Variants in TUBGCP5 observed in about 807,000 individuals in gnomAD.
TUBGCP5 encodes the protein gamma-tubulin complex component 5.
Under a neutral mutation model 134.7 loss-of-function variants are expected in TUBGCP5, and 98 were observed. The ratio of observed to expected loss-of-function variants is 0.73; its 90% CI spans 0.62 to 0.86. The LOEUF (loss-of-function observed/expected upper bound fraction) is 0.86. Among genes scored for constraint, TUBGCP5 ranks in the 40% least tolerant of loss-of-function variants. The pLI is 0.00. For missense variants in TUBGCP5, 1,150 were observed against 1,244.8 expected (o/e 0.92, Z 1.15); for synonymous variants, 456 against 431.4 (o/e 1.06, Z -0.71).
chr15:23,008,532 A>T, intron 16 of TUBGCP5, 167 bp downstream of exon 16: 1 of 847,668 alleles, frequency 1.2e-6, no homozygotes, highest in Non-Finnish European at 1.9e-6. Context: ...TGCTGGCATT[A>T]CAGGTGTGAG....
At position 22,999,561 on chromosome 15, in the gene TUBGCP5, T is replaced by C. The variant is rs2064250093; in HGVS notation, c.*259A>G. ...GACTACAGGTACACACCACCATGTC[T>C]GGATACATTTTGTATTTTTGGTAGA... is the stretch of plus-strand genomic sequence containing the variant. On this transcript the variant is annotated 3_prime_UTR_variant, in exon 23 of 23. Coordinates refer to ENST00000615383, the MANE Select transcript of TUBGCP5 (RefSeq NM_052903.6). 2.1e-6 allele frequency: 1 copy of C among 472,394 alleles called. No homozygotes were observed. The highest frequency in any genetic ancestry group is 3.9e-6 in the Non-Finnish European group (1 of 257,366). The allele number at this position is 472,394 out of a possible 1,614,324, so 29.3% of individuals were successfully genotyped here. A position where few individuals can be genotyped will look rare whatever the true frequency, so the allele number is the denominator to read the frequency against.
At chr15:23,004,248 A>G in intron 19 of TUBGCP5, 21 bp from the exon 20 acceptor site, 1 of 1,602,818 alleles carries the variant, frequency 6.2e-7, no homozygotes, top group Non-Finnish European at 8.5e-7. Context: ...AAAGATAAAA[A>G]GCTTCATCAG....
chr15:23,005,866 A>G, intron 18 of TUBGCP5, 186 bp downstream of exon 18: 1 of 681,578 alleles, frequency 1.5e-6, no homozygotes, highest in East Asian at 2.8e-5. Context: ...CAGGCATTTG[A>G]TGTCCATAAA....
intron 18 of TUBGCP5, 189 bp downstream of exon 18, chr15:23,005,863 T>A: frequency 1.5e-6 from 1 of 680,322 alleles, no homozygotes; most frequent in Non-Finnish European, 2.4e-6. Flanking sequence ...TTTCAGGCAT[T>A]TGATGTCCAT....
chr15:23,004,263 CTTCT>C, intron 19 of TUBGCP5, 36 bp from the exon 20 acceptor site: 3 of 1,600,556 alleles, frequency 1.9e-6, no homozygotes, highest in Non-Finnish European at 2.6e-6. Context: ...CATCAGCAGC[CTTCT>C]TTGAGGACTT....
chr15:23,003,079 G>A lies in TUBGCP5; in HGVS notation c.2913C>T (p.Gly971=). 6.2e-7 allele frequency: 1 copy of A among 1,614,092 alleles called. No individual in the cohort carries two copies. The highest frequency in any genetic ancestry group is 8.5e-7 in the Non-Finnish European group (1 of 1,179,990). Residue 971 remains glycine, a synonymous_variant, in exon 21 of 23, where the codon GGC becomes GGT. Transcript: ENST00000615383. ...CACATACTTACCGCCAAGTGCCCAG[G>A]CCTGCCTGCCAACCGTCTGCAAACA... The part of the protein sequence containing the change: ...ALMFADGWQA[G]LGTWRMESIE...
intron 23 of TUBGCP5, among the ~76,000 whole-genome samples, chr15:22,993,090 A>G (rs765714245): frequency 6.6e-6 from 1 of 152,180 alleles, no homozygotes; most frequent in Non-Finnish European, 1.5e-5. Flanking sequence ...GACGATGCTC[A>G]GGATGTGATT....
chr15:23,005,963 C>A (rs1235990350), intron 18 of TUBGCP5, 89 bp downstream of exon 18: 2 of 1,335,246 alleles, frequency 1.5e-6, no homozygotes, highest in African/African-American at 1.5e-5. Flanking sequence ...TTTTCCAGAT[C>A]CCCGTATGCT....
At chr15:23,023,839 A>G (rs1203594142) in intron 10 of TUBGCP5, 108 bp downstream of exon 10, 1 of 1,047,000 alleles carries the variant, frequency 9.6e-7, no homozygotes, top group Non-Finnish European at 1.3e-6. Context: ...ATTCACGAGA[A>G]CTACTTATCT....
chr15:23,027,208 T>TA lies in TUBGCP5; in HGVS notation c.720dup (p.Asn241Ter). The TA allele has an allele frequency of 1.2e-6, 2 of 1,613,124 alleles. No individual in the cohort carries two copies. Among genetic ancestry groups the TA allele is most frequent in the South Asian group, 2.2e-5 (2 of 90,828 alleles). The stretch of plus-strand genomic sequence containing the variant: ...GCTTCTTACCAGACAGCAGCTAAAT[T>TA]AGAGTGCAAATGTAAACTATGAGGA... On this transcript the variant is annotated frameshift_variant, in exon 7 of 23. Transcript: ENST00000615383. LOFTEE classifies it high-confidence loss of function.
intron 23 of TUBGCP5, among the ~76,000 whole-genome samples, chr15:22,984,242 G>A (rs1483150980): frequency 6.6e-6 from 1 of 152,210 alleles, no homozygotes; most frequent in Non-Finnish European, 1.5e-5. Flanking sequence ...ATACAGCAAT[G>A]GAACAGAATA....
chr15:23,039,516 G>T lies in TUBGCP5; in HGVS notation c.28C>A (p.Arg10=), dbSNP rs750751827. 2.6e-5 allele frequency: 39 copies of T among 1,499,326 alleles called. No individual in the cohort carries two copies. In the Admixed American group the frequency reaches 7.6e-4, roughly 29 times the overall value. 92.9% of individuals were successfully genotyped at this position (1,499,326 alleles called of 1,614,324 possible). The change falls in exon 1 of 23, where the codon CGG becomes AGG. Residue 10 remains arginine, a synonymous_variant. Transcript: ENST00000615383. ...TCGCGCTCCTGCTGCGCGTCCAACC[G>T]ACTCCACGGTGGCCCGTGCCGCGCC... The part of the protein sequence containing the change: MARHGPPWS[R]LDAQQERDVR...
intron 6 of TUBGCP5, among the ~76,000 whole-genome samples, chr15:23,029,634 C>T (rs886229662): frequency 2.0e-5 from 3 of 151,880 alleles, no homozygotes; most frequent in East Asian, 1.9e-4. Flanking sequence ...CTGTAATCCC[C>T]GCACGTTGGG....
At chr15:22,993,639 G>T (rs2140359890) in intron 23 of TUBGCP5, among the ~76,000 whole-genome samples, 1 of 149,400 alleles carries the variant, frequency 6.7e-6, no homozygotes, top group East Asian at 2.0e-4. Flanking sequence ...CCGCCTCCTG[G>T]GTTCAAGCGG....
chr15:23,019,144 G>A (rs1322821695), intron 12 of TUBGCP5, 75 bp downstream of exon 12: 4 of 1,078,964 alleles, frequency 3.7e-6, no homozygotes, highest in East Asian at 2.5e-5. Flanking sequence ...TGAAACTAAC[G>A]AAAGCATTTG....
Position 23,011,221 on chromosome 15 carries a change from C to T in TUBGCP5, c.1867G>A (p.Glu623Lys), listed in dbSNP as rs200804652. 4.7e-5 allele frequency: 76 copies of T among 1,613,912 alleles called. 1 individual carries two copies. The East Asian group carries it at 1.4e-3, about 30-fold the overall frequency. ...ATGGACTGCATCTTCATCAGGTTCT[C>T]CTTGGTTGCCTGTTGCTCAGTAAGA... ...QVLTEQQATKENLMKMQSIAE... is the reference protein window; with the variant it reads ...QVLTEQQATKKNLMKMQSIAE... Residue 623 changes from glutamate to lysine, a missense_variant, in exon 14 of 23, where the codon GAG becomes AAG. By Grantham distance (56) the Glu-to-Lys change is moderately conservative (BLOSUM62 1). Transcript: ENST00000615383.
intron 22 of TUBGCP5, 33 bp from the exon 23 acceptor site, chr15:22,999,899 T>C: frequency 6.2e-7 from 1 of 1,609,512 alleles, no homozygotes. Flanking sequence ...GTTAAAACAA[T>C]AGGTTTAAAT....
At chr15:23,035,934 G>A (rs563411537) in intron 3 of TUBGCP5, among the ~76,000 whole-genome samples, 1 of 152,278 alleles carries the variant, frequency 6.6e-6, no homozygotes, top group East Asian at 1.9e-4. Flanking sequence ...CCTTTTAAAG[G>A]GGGAGACAAG....
At chr15:22,985,448 C>G (rs900115720) in intron 23 of TUBGCP5, among the ~76,000 whole-genome samples, 2 of 151,984 alleles carry the variant, frequency 1.3e-5, no homozygotes, top group African/African-American at 4.8e-5. Context: ...AAACTCCCGA[C>G]CTCAGGTGAT....
Sources: allele counts gnomAD v4.1 joint callset (sites outside exome capture counted in the v4.1 genomes callset), GRCh38; gene constraint gnomAD v4.1.1; transcripts MANE v1.5; gene names NCBI Gene and HGNC (gene_info 2026-07-23, HGNC 2026-07-21).